ABHD2: variants seen among roughly 807,000 people sequenced by gnomAD.
ABHD2 encodes the protein abhydrolase domain containing 2, acylglycerol lipase.
In ABHD2, 20 loss-of-function variants were observed where a neutral mutation model predicts 48.1. That is an observed-to-expected ratio of 0.42 (90% CI 0.29 to 0.60). The LOEUF (loss-of-function observed/expected upper bound fraction) is 0.60. Ranked by LOEUF, ABHD2 falls within the 20% of genes least tolerant of loss-of-function variation. The probability of loss-of-function intolerance (pLI) is 0.24; values close to 1 mark genes in which losing one functional copy is unlikely to be tolerated. For missense variants in ABHD2, 405 were observed against 550.9 expected (o/e 0.74, Z 2.65); for synonymous variants, 209 against 214.2 (o/e 0.98, Z 0.21).
chr15:89,152,261 A>G (rs532783627), intron 4 of ABHD2, among the ~76,000 whole-genome samples: 4 of 151,786 alleles, frequency 2.6e-5, no homozygotes, highest in Admixed American at 1.3e-4. Context: ...TTGTATTTTT[A>G]GTAGAGACGG....
Position 89,092,971 on chromosome 15 carries a change from CA to C in ABHD2, c.-107+4409del, listed in dbSNP as rs1901653609. 6.6e-6 allele frequency among the ~76,000 whole-genome samples: 1 copy of C among 152,040 alleles called. No homozygotes were observed. Among genetic ancestry groups the C allele is most frequent in the South Asian group, 2.1e-4 (1 of 4,828 alleles). On this transcript the variant is annotated intron_variant, in intron 1 of 10. Coordinates refer to ENST00000352732, the MANE Select transcript of ABHD2 (RefSeq NM_152924.5). This position sits in a 1 kb window ranked among gnomAD's most constrained non-coding sequence, Gnocchi z 4.4. ...TTTCTGTGAGAGCCCGGGGGAGGTG[CA>C]GGGGAGCTTCTAAAGGTCAGCTGAG...
At chr15:89,141,563 A>T (rs1295572158) in intron 3 of ABHD2, among the ~76,000 whole-genome samples, 2 of 152,048 alleles carry the variant, frequency 1.3e-5, no homozygotes, top group East Asian at 3.9e-4. Flanking sequence ...AACCCGGGAG[A>T]TGGAGGCTGC....
chr15:89,184,158 A>G lies in ABHD2; in HGVS notation c.723-1266A>G, dbSNP rs987460914. On this transcript the variant is annotated intron_variant, in intron 6 of 10. Transcript: ENST00000352732. This position sits in a 1 kb window ranked among gnomAD's most constrained non-coding sequence, Gnocchi z 5.1. ...CACATTGCAGACCATTAAATTCACA[A>G]ACCATTTCATTCTTAACTCCCCACT... Among the ~76,000 whole-genome samples, 3 of 152,184 alleles carry G rather than the reference A, an allele frequency of 2.0e-5. No homozygotes were observed. The highest frequency in any genetic ancestry group is 7.2e-5 in the African/African-American group (3 of 41,446).
At chr15:89,135,463 A>T (rs2050292668) in intron 3 of ABHD2, 1 of 731,702 alleles carries the variant, frequency 1.4e-6, no homozygotes, top group Non-Finnish European at 2.3e-6. Context: ...CTTACATTTC[A>T]GTTTTTTTCT....
At position 89,155,092 on chromosome 15, in the gene ABHD2, T is replaced by A. The variant is rs1204870431; in HGVS notation, c.371-275T>A. On this transcript the variant is annotated intron_variant, in intron 4 of 10. Coordinates refer to ENST00000352732, the MANE Select transcript of ABHD2 (RefSeq NM_152924.5). The surrounding 1 kb of genome is among the most constrained non-coding windows in gnomAD (Gnocchi z 4.9). ...AAATTGAGGTTTGTATATTTTTCAT[T>A]TCATTTTTCCAGTAATTAACTTCTA... Among the ~76,000 whole-genome samples the A allele has an allele frequency of 6.6e-6, 1 of 152,228 alleles. No individual in the cohort carries two copies. Among genetic ancestry groups the A allele is most frequent in the Non-Finnish European group, 1.5e-5 (1 of 68,042 alleles).
chr15:89,193,352 C>A, intron 10 of ABHD2, 33 bp downstream of exon 10: 1 of 1,566,074 alleles, frequency 6.4e-7, no homozygotes, highest in Non-Finnish European at 8.8e-7. Context: ...CTCTCAACAG[C>A]TCAGCAAGTT....
the ABHD2 span, among the ~76,000 whole-genome samples, chr15:89,065,117 G>A: frequency 6.6e-6 from 1 of 152,058 alleles, no homozygotes; most frequent in Non-Finnish European, 1.5e-5. Flanking sequence ...TTGGATCCTG[G>A]CCTTCCTTTC....
the ABHD2 span, among the ~76,000 whole-genome samples, chr15:89,079,081 G>A: frequency 6.6e-6 from 1 of 152,082 alleles, no homozygotes; most frequent in African/African-American, 2.4e-5. The surrounding 1 kb of genome is among the most constrained non-coding windows in gnomAD (Gnocchi z 4.3). Flanking sequence ...ACAAAGACCA[G>A]ACTAGAAATA....
In ABHD2 at chr15:89,201,770, G is replaced by C. The variant is rs951567559; in HGVS notation, c.*6347G>C. The C allele has an allele frequency of 6.6e-7, 1 of 1,507,368 alleles. No homozygotes were observed. The highest frequency in any genetic ancestry group is 9.2e-7 in the Non-Finnish European group (1 of 1,084,782). The allele number at this position is 1,507,368 out of a possible 1,614,324, so 93.4% of individuals were successfully genotyped here. A position where few individuals can be genotyped will look rare whatever the true frequency, so the allele number is the denominator to read the frequency against. On this transcript the variant is annotated 3_prime_UTR_variant, in exon 11 of 11. Transcript: ENST00000352732. The stretch of plus-strand genomic sequence containing the variant: ...GCGGGTCGAGGACCAGGATCTGCTC[G>C]TGCTTCGCCGTGGCCCCGGAGGCAG...
Position 89,185,334 on chromosome 15 carries a change from A to G in ABHD2, c.723-90A>G. 1 of 962,632 alleles carries G rather than the reference A, an allele frequency of 1.0e-6. No homozygotes were observed. The highest frequency in any genetic ancestry group is 1.6e-6 in the Non-Finnish European group (1 of 613,276). 59.6% of individuals were successfully genotyped at this position (962,632 alleles called of 1,614,324 possible). ...GCCTGAGAGCCGGCCCTCTCCACAC[A>G]AGCACCTCACCCCATGGCTAGAGCC... On this transcript the variant is annotated intron_variant, in intron 6 of 10. Coordinates refer to ENST00000352732, the MANE Select transcript of ABHD2 (RefSeq NM_152924.5). The surrounding 1 kb of genome is among the most constrained non-coding windows in gnomAD (Gnocchi z 5.9).
rs1366030416 is a variant in ABHD2 at position 89,100,054 on chromosome 15, C to T, written c.-107+11491C>T. ...TTTGTCTGGGCAGCCGGTAGAGGAG[C>T]TTATGGTCTGGAATGGGAGAAGGAA... is the stretch of plus-strand genomic sequence containing the variant. On this transcript the variant is annotated intron_variant, in intron 1 of 10. Transcript: ENST00000352732. The surrounding 1 kb of genome is among the most constrained non-coding windows in gnomAD (Gnocchi z 4.4). 2.0e-5 allele frequency among the ~76,000 whole-genome samples: 3 copies of T among 151,988 alleles called. No individual in the cohort carries two copies. Among genetic ancestry groups the T allele is most frequent in the Non-Finnish European group, 4.4e-5 (3 of 68,004 alleles).
intron 3 of ABHD2, among the ~76,000 whole-genome samples, chr15:89,127,652 C>T (rs967165066): frequency 3.4e-5 from 5 of 147,698 alleles, no homozygotes; most frequent in African/African-American, 1.3e-4. Flanking sequence ...ATGGACTTTT[C>T]CTTCCTTGGG....
Position 89,114,529 on chromosome 15 carries a change from CT to C in ABHD2, c.-7+706del, listed in dbSNP as rs1375367371. On this transcript the variant is annotated intron_variant, in intron 2 of 10. Coordinates refer to ENST00000352732, the MANE Select transcript of ABHD2 (RefSeq NM_152924.5). This position sits in a 1 kb window ranked among gnomAD's most constrained non-coding sequence, Gnocchi z 4.2. ...ACGGCGTTTCGCTCTTGTCCCCAGGCTGGAGTGCAGTGGTGTGATCTTGGCT... is the reference window on the plus strand; with the variant it reads ...ACGGCGTTTCGCTCTTGTCCCCAGGCGGAGTGCAGTGGTGTGATCTTGGCT... 1.3e-4 allele frequency among the ~76,000 whole-genome samples: 20 copies of C among 152,264 alleles called. No homozygotes were observed. Among genetic ancestry groups the C allele is most frequent in the African/African-American group, 4.8e-4 (20 of 41,548 alleles).
rs9550 is a variant in ABHD2 at position 89,200,437 on chromosome 15, C to G, written c.*5014C>G. The G allele has an allele frequency of 0.39, 58,295 of 151,320 alleles. 11,750 individuals carry two copies. Among genetic ancestry groups the G allele is most frequent in the East Asian group, 0.67 (3,449 of 5,160 alleles). 9.4% of individuals were successfully genotyped at this position (151,320 alleles called of 1,614,324 possible). On this transcript the variant is annotated 3_prime_UTR_variant, in exon 11 of 11. Coordinates refer to ENST00000352732, the MANE Select transcript of ABHD2 (RefSeq NM_152924.5). Reference sequence around the variant, plus strand: ...CCTCACTTCCCAGATGGGGCGGCTCCCGGGAAGCGGGGCTCCTCACTTCCC... The same window carrying G: ...CCTCACTTCCCAGATGGGGCGGCTCGCGGGAAGCGGGGCTCCTCACTTCCC...
intron 1 of ABHD2, among the ~76,000 whole-genome samples, chr15:89,111,647 C>T (rs990946095): frequency 1.3e-5 from 2 of 152,010 alleles, no homozygotes; most frequent in Non-Finnish European, 2.9e-5. Context: ...CTCTAAGGAG[C>T]TTTCCCAAAA....
intron 4 of ABHD2, among the ~76,000 whole-genome samples, chr15:89,153,023 C>T (rs1050776541): frequency 1.3e-5 from 2 of 152,144 alleles, no homozygotes; most frequent in Non-Finnish European, 2.9e-5. Context: ...GTGGCTAGAA[C>T]TGCTGAGTAG....
intron 1 of ABHD2, among the ~76,000 whole-genome samples, chr15:89,103,327 A>G (rs1355761028): frequency 6.6e-6 from 1 of 152,212 alleles, no homozygotes; most frequent in Admixed American, 6.5e-5. Flanking sequence ...ATATCCGTGC[A>G]TATTTTATTA....
intron 3 of ABHD2, among the ~76,000 whole-genome samples, chr15:89,145,385 T>C (rs972938591): frequency 6.6e-6 from 1 of 152,232 alleles, no homozygotes; most frequent in East Asian, 1.9e-4. Flanking sequence ...CTGTTTCTTA[T>C]GTACATTGTG....
intron 5 of ABHD2, among the ~76,000 whole-genome samples, chr15:89,160,729 C>T (rs1279222088): frequency 6.6e-6 from 1 of 152,180 alleles, no homozygotes; most frequent in African/African-American, 2.4e-5. Context: ...GAGCAGCTAC[C>T]TGCTGGAACA....
Sources: gnomAD v4.1 joint callset for allele counts (sites outside exome capture counted in the v4.1 genomes callset) on GRCh38, gnomAD v4.1.1 for gene constraint, Gnocchi (gnomAD v3.1) non-coding constraint, MANE v1.5 for transcripts, NCBI Gene and HGNC (gene_info 2026-07-23, HGNC 2026-07-21) for gene names.